The following SGCD variants were observed in gnomAD, a reference collection of about 807,000 sequenced individuals.
SGCD encodes the protein sarcoglycan delta.
Under a neutral mutation model 36.6 loss-of-function variants are expected in SGCD, and 18 were observed. The observed-to-expected ratio is 0.49, with a 90% CI of 0.34 to 0.73. SGCD has a LOEUF of 0.73. SGCD is among the 30% of genes least tolerant of loss of function. SGCD has a pLI of 0.01. For synonymous variants in SGCD, 133 were observed against 130.6 expected (o/e 1.02, Z -0.12); for missense variants, 387 against 346.7 (o/e 1.12, Z -0.92).
intron 3 of SGCD, among the ~76,000 whole-genome samples, chr5:156,277,457 G>C (rs1018465072): frequency 6.6e-6 from 1 of 152,172 alleles, no homozygotes; most frequent in Admixed American, 6.5e-5. Context: ...ATGCAAAGAG[G>C]GTTGTGGGCT....
rs145989596 is a variant in SGCD at position 156,019,827 on chromosome 5, C to T, written c.-281-98051C>T. 6.2e-4 allele frequency among the ~76,000 whole-genome samples: 95 copies of T among 152,296 alleles called. 1 individual carries two copies. In the East Asian group the frequency reaches 0.017, roughly 27 times the overall value. ...TATTATTTCTTTCTTCACTAATCTTCGGCAACTTTTCAAGGCCTATGAGAT... is the reference window on the plus strand; with the variant it reads ...TATTATTTCTTTCTTCACTAATCTTTGGCAACTTTTCAAGGCCTATGAGAT... On this transcript the variant is annotated intron_variant, in intron 1 of 9. Coordinates refer to the SGCD transcript ENST00000517913.
At chr5:156,019,936 G>A (rs1759063616) in intron 1 of SGCD, among the ~76,000 whole-genome samples, 1 of 152,092 alleles carries the variant, frequency 6.6e-6, no homozygotes. Flanking sequence ...TGCTACTTAT[G>A]CACCTTCTCT....
intron 4 of SGCD, among the ~76,000 whole-genome samples, chr5:156,521,118 T>C (rs1757385902): frequency 6.8e-6 from 1 of 147,872 alleles, no homozygotes; most frequent in Non-Finnish European, 1.5e-5. Context: ...CCCTATTTAA[T>C]AAAACGGGAG....
chr5:156,745,966 T>C (rs1756920979), intron 7 of SGCD, among the ~76,000 whole-genome samples: 1 of 151,228 alleles, frequency 6.6e-6, no homozygotes, highest in Non-Finnish European at 1.5e-5. Flanking sequence ...TTCAAAGACA[T>C]ATCAGGTGAG....
At chr5:156,328,199 T>C (rs1767900743) in intron 1 of SGCD, among the ~76,000 whole-genome samples, 1 of 152,260 alleles carries the variant, frequency 6.6e-6, no homozygotes, top group East Asian at 1.9e-4. Flanking sequence ...ATAGGAAAGC[T>C]ATACCTTGTT....
intron 1 of SGCD, among the ~76,000 whole-genome samples, chr5:155,960,292 G>A (rs1169094105): frequency 5.3e-5 from 8 of 152,066 alleles, no homozygotes; most frequent in African/African-American, 1.9e-4. Flanking sequence ...GGCTTGCCAA[G>A]GCCCAGGGGA....
chr5:156,354,337 A>G (rs1317468077), intron 3 of SGCD, among the ~76,000 whole-genome samples: 8 of 152,046 alleles, frequency 5.3e-5, no homozygotes, highest in African/African-American at 1.9e-4. Context: ...CTCAGGCATA[A>G]TGGTTCTAGT....
chr5:156,139,477 A>G (rs1762526431), intron 3 of SGCD, among the ~76,000 whole-genome samples: 1 of 152,094 alleles, frequency 6.6e-6, no homozygotes, highest in South Asian at 2.1e-4. Context: ...CTTACCTCCA[A>G]TATTAGCACC....
At chr5:156,611,034 GCTGCACCCACTGTC>G (rs1218438227) in intron 6 of SGCD, among the ~76,000 whole-genome samples, 5 of 152,206 alleles carry the variant, frequency 3.3e-5, no homozygotes, top group Non-Finnish European at 5.9e-5. Context: ...TGCTCGGTGT[GCTGCACCCACTGTC>G]CTGCACCCAG....
chr5:156,481,621 A>G (rs866348075), intron 3 of SGCD, among the ~76,000 whole-genome samples: 9 of 152,152 alleles, frequency 5.9e-5, no homozygotes, highest in African/African-American at 2.2e-4. Context: ...TCTTATCTGC[A>G]TCTATCAGAA....
At chr5:156,302,132 C>T (rs970666592) in intron 3 of SGCD, among the ~76,000 whole-genome samples, 14 of 152,092 alleles carry the variant, frequency 9.2e-5, no homozygotes, top group Non-Finnish European at 1.9e-4. Flanking sequence ...TCTGTAAGGC[C>T]AATAACTCTT....
chr5:155,765,860 G>T, the SGCD span, among the ~76,000 whole-genome samples: 4 of 152,148 alleles, frequency 2.6e-5, no homozygotes, highest in Non-Finnish European at 5.9e-5. Context: ...ATTAAGCTGT[G>T]GTTGGCGAAG....
At chr5:155,837,966 T>TC in the SGCD span, among the ~76,000 whole-genome samples, 1 of 151,988 alleles carries the variant, frequency 6.6e-6, no homozygotes, top group Non-Finnish European at 1.5e-5. Context: ...CTCTTTTTTT[T>TC]ATTATGAAGA....
chr5:155,741,394 T>C, the SGCD span, among the ~76,000 whole-genome samples: 29 of 152,324 alleles, frequency 1.9e-4, no homozygotes, highest in Admixed American at 1.6e-3. Context: ...GAGAGAGTTT[T>C]GCGGGGCCAT....
chr5:156,151,185 C>T (rs967845431), intron 3 of SGCD, among the ~76,000 whole-genome samples: 8 of 151,560 alleles, frequency 5.3e-5, no homozygotes, highest in Non-Finnish European at 2.9e-5. Flanking sequence ...CCTGCTTTCT[C>T]CTCTTTCCTA....
intron 1 of SGCD, among the ~76,000 whole-genome samples, chr5:156,092,087 T>C (rs895178280): frequency 1.3e-5 from 2 of 152,240 alleles, no homozygotes; most frequent in African/African-American, 4.8e-5. Flanking sequence ...TGACATCAAA[T>C]GCCTGTTGAC....
intron 1 of SGCD, among the ~76,000 whole-genome samples, chr5:156,068,921 C>A (rs1207143295): frequency 9.9e-5 from 15 of 152,020 alleles, no homozygotes; most frequent in Admixed American, 4.6e-4. Context: ...TAAATGTCTT[C>A]TTTTGAGGAG....
At chr5:156,720,954 A>G (rs1032421124) in intron 7 of SGCD, among the ~76,000 whole-genome samples, 29 of 152,180 alleles carry the variant, frequency 1.9e-4, no homozygotes, top group Non-Finnish European at 1.3e-4. Flanking sequence ...CATTTCGAAA[A>G]GTGCTTAGAT....
intron 3 of SGCD, among the ~76,000 whole-genome samples, chr5:156,157,102 G>T (rs1005465354): frequency 6.6e-6 from 1 of 151,620 alleles, no homozygotes; most frequent in African/African-American, 2.4e-5. Context: ...TTAAAGACAG[G>T]ATTCTGATGA....
Sources: allele counts gnomAD v4.1 joint callset (sites outside exome capture counted in the v4.1 genomes callset), GRCh38; gene constraint gnomAD v4.1.1; transcripts MANE v1.5; gene names NCBI Gene and HGNC (gene_info 2026-07-23, HGNC 2026-07-21).